Variants in ZNF98 observed in about 807,000 individuals in gnomAD.
ZNF98 encodes zinc finger protein 739.
ZNF98 carries 8 observed loss-of-function variants against 12.8 expected under a neutral mutation model. The ratio of observed to expected loss-of-function variants is 0.63; its 90% confidence interval spans 0.37 to 1.13. The LOEUF is 1.13. ZNF98 is among the 50% of genes most tolerant of loss of function. The pLI is 0.01. For missense variants in ZNF98, 379 were observed against 666.1 expected (o/e 0.57, Z 4.74); for synonymous variants, 112 against 223.5 (o/e 0.50, Z 4.45).
At chr19:22,413,375 A>G (rs1241786082) in intron 1 of ZNF98, among the ~76,000 whole-genome samples, 4 of 152,218 alleles carry the variant, frequency 2.6e-5, no homozygotes, top group Non-Finnish European at 5.9e-5. Context: ...TCAAACTGAC[A>G]ACTTCAGTAA....
intron 3 of ZNF98, among the ~76,000 whole-genome samples, chr19:22,397,213 TGTGTGTGTG>T (rs1473005862): frequency 2.1e-3 from 15 of 7,274 alleles, no homozygotes; most frequent in Admixed American, 0.013. Flanking sequence ...TGTGTGTTTT[TGTGTGTGTG>T]TGTGTGTGTG....
At chr19:22,405,529 G>A (rs1193094438) in intron 1 of ZNF98, among the ~76,000 whole-genome samples, 1 of 152,142 alleles carries the variant, frequency 6.6e-6, no homozygotes, top group Non-Finnish European at 1.5e-5. Context: ...GAGAGATGGT[G>A]AATGAATGTG....
intron 1 of ZNF98, among the ~76,000 whole-genome samples, chr19:22,408,655 C>A (rs1181275031): frequency 6.6e-6 from 1 of 151,922 alleles, no homozygotes; most frequent in Non-Finnish European, 1.5e-5. Flanking sequence ...AACAACAGAC[C>A]ATCAGAGAGC....
At chr19:22,396,138 T>C (rs901213839) in intron 3 of ZNF98, among the ~76,000 whole-genome samples, 8 of 152,276 alleles carry the variant, frequency 5.3e-5, no homozygotes, top group African/African-American at 1.9e-4. Context: ...ATTATCATAA[T>C]GGTGCAGAAA....
At chr19:22,417,194 A>G (rs1470433945) in intron 1 of ZNF98, among the ~76,000 whole-genome samples, 1 of 136,300 alleles carries the variant, frequency 7.3e-6, no homozygotes, top group Non-Finnish European at 1.5e-5. Context: ...GCGCCATCGC[A>G]CTCCAGCTTG....
intron 3 of ZNF98, among the ~76,000 whole-genome samples, chr19:22,401,729 C>T (rs181689251): frequency 0.015 from 2,332 of 151,480 alleles, 71 homozygotes; most frequent in African/African-American, 0.054. Flanking sequence ...AGGTGATCCA[C>T]CTGCCTCAGC....
chr19:22,419,058 C>G (rs1357990165), intron 1 of ZNF98, among the ~76,000 whole-genome samples: 1 of 152,130 alleles, frequency 6.6e-6, no homozygotes, highest in Non-Finnish European at 1.5e-5. Flanking sequence ...AAACATTAAT[C>G]TAGAATCTAA....
intron 1 of ZNF98, among the ~76,000 whole-genome samples, chr19:22,416,297 C>T (rs999055264): frequency 6.7e-6 from 1 of 149,546 alleles, no homozygotes; most frequent in African/African-American, 2.5e-5. Context: ...GGTGAAACCC[C>T]GTCTCTACGA....
intron 1 of ZNF98, 49 bp from the exon 2 acceptor site, chr19:22,403,561 A>G (rs1459181127): frequency 1.3e-6 from 2 of 1,540,438 alleles, no homozygotes; most frequent in African/African-American, 1.4e-5. Context: ...GGCCATAAAC[A>G]GAATTTTTAA....
intron 3 of ZNF98, among the ~76,000 whole-genome samples, chr19:22,401,683 T>C (rs2145112786): frequency 6.6e-6 from 1 of 151,224 alleles, no homozygotes; most frequent in East Asian, 2.0e-4. Context: ...CAGGGTTTCA[T>C]CATGTTGGCC....
chr19:22,402,407 G>A (rs1455987723), intron 3 of ZNF98: 1 of 401,190 alleles, frequency 2.5e-6, no homozygotes, highest in East Asian at 3.6e-5. Flanking sequence ...CACACATTTA[G>A]GACATGATGT....
intron 1 of ZNF98, among the ~76,000 whole-genome samples, chr19:22,415,508 C>T (rs576487581): frequency 5.3e-5 from 8 of 151,926 alleles, no homozygotes; most frequent in African/African-American, 1.4e-4. Context: ...CATGATGGCT[C>T]ACACCTGTAA....
At chr19:22,393,572 C>G (rs368548528) in intron 3 of ZNF98, among the ~76,000 whole-genome samples, 3 of 151,858 alleles carry the variant, frequency 2.0e-5, no homozygotes, top group African/African-American at 7.3e-5. Context: ...TGACAAAACA[C>G]AAGAAATGGG....
chr19:22,415,917 A>G (rs1248429250), intron 1 of ZNF98, among the ~76,000 whole-genome samples: 1 of 144,966 alleles, frequency 6.9e-6, no homozygotes, highest in East Asian at 2.0e-4. Flanking sequence ...ACATGGTGAA[A>G]CCCCGTTCCT....
intron 3 of ZNF98, among the ~76,000 whole-genome samples, chr19:22,393,370 G>A (rs541891388): frequency 1.3e-5 from 2 of 152,258 alleles, no homozygotes; most frequent in African/African-American, 4.8e-5. Context: ...TCAATGGCAA[G>A]GTCTTTTACA....
intron 1 of ZNF98, among the ~76,000 whole-genome samples, chr19:22,421,848 T>C (rs1269842075): frequency 6.6e-6 from 1 of 152,144 alleles, no homozygotes; most frequent in Non-Finnish European, 1.5e-5. Context: ...TTTCCATTCA[T>C]GAACCCTCAC....
rs183148587 is a variant in ZNF98, at chr19:22,394,806, A to G, written c.254-1825T>C. On this transcript the variant is annotated intron_variant, in intron 3 of 3. Coordinates refer to ENST00000357774, the MANE Select transcript of ZNF98 (RefSeq NM_001098626.2). ...TTAAAGTATAATGAAATAAATAAAT[A>G]AATAAGAAAGGTAAGTTTTACAGCA... Among the ~76,000 whole-genome samples, 47 of 152,242 alleles carry G rather than the reference A, an allele frequency of 3.1e-4. 1 individual carries two copies. The East Asian group carries it at 7.1e-3, about 23-fold the overall frequency.
intron 1 of ZNF98, among the ~76,000 whole-genome samples, chr19:22,410,373 T>G (rs1969567709): frequency 1.3e-5 from 2 of 152,050 alleles, no homozygotes. Context: ...ATGACAGACT[T>G]GACAAATAAA....
At chr19:22,409,903 C>A (rs1969562076) in intron 1 of ZNF98, among the ~76,000 whole-genome samples, 2 of 104,958 alleles carry the variant, frequency 1.9e-5, no homozygotes, top group Non-Finnish European at 1.8e-5. Context: ...CAGAACGAGA[C>A]TCTATCTCAC....
Sources: allele counts gnomAD v4.1 joint callset (sites outside exome capture counted in the v4.1 genomes callset), GRCh38; gene constraint gnomAD v4.1.1; transcripts MANE v1.5; gene names NCBI Gene and HGNC (gene_info 2026-07-23, HGNC 2026-07-21).